The following ASH2L variants were observed in gnomAD, a reference collection of about 807,000 sequenced individuals.
The protein encoded by ASH2L is set1/Ash2 histone methyltransferase complex subunit ASH2.
A neutral mutation model predicts 81.1 loss-of-function variants in ASH2L; 30 were observed. The observed-to-expected ratio is 0.37, with a 90% CI of 0.28 to 0.50. The LOEUF (loss-of-function observed/expected upper bound fraction) is 0.50. Ranked by LOEUF, ASH2L falls within the 20% of genes least tolerant of loss-of-function variation. The pLI, the probability that ASH2L is intolerant of heterozygous loss-of-function variation, is 0.95. For missense variants in ASH2L, 559 were observed against 792.1 expected (o/e 0.71, Z 3.53); for synonymous variants, 273 against 279.9 (o/e 0.98, Z 0.24).
chr8:38,124,196 A>G (rs1050937661), intron 10 of ASH2L: 2 of 151,660 alleles, frequency 1.3e-5, no homozygotes, highest in African/African-American at 4.8e-5. Context: ...TCTTTGCTCC[A>G]TGCAATTATT....
chr8:38,126,612 T>C (rs1801854260), intron 10 of ASH2L, among the ~76,000 whole-genome samples: 1 of 152,068 alleles, frequency 6.6e-6, no homozygotes, highest in South Asian at 2.1e-4. Context: ...CCCAGCACTT[T>C]GGGAGGCCGA....
chr8:38,116,738 A>C lies in ASH2L; in HGVS notation c.853+13A>C. On this transcript the variant is annotated intron_variant, in intron 8 of 15. Coordinates refer to ENST00000343823, the MANE Select transcript of ASH2L (RefSeq NM_004674.5). ...GGGAATTTAAATGGTAAGTGTTTAC[A>C]TATCTCATTGCTGAAATATTTGGAA... 1.2e-6 allele frequency: 2 copies of C among 1,600,994 alleles called. No homozygotes were observed. Among genetic ancestry groups the C allele is most frequent in the Non-Finnish European group, 1.7e-6 (2 of 1,172,004 alleles).
rs1450089253 is a variant in ASH2L at position 38,110,213 on chromosome 8, A to C, written c.402-166A>C. 2.6e-5 allele frequency among the ~76,000 whole-genome samples: 4 copies of C among 152,276 alleles called. 1 individual carries two copies. The highest frequency in any genetic ancestry group is 2.6e-4 in the Admixed American group (4 of 15,286). On this transcript the variant is annotated intron_variant, in intron 3 of 15. Transcript: ENST00000343823. ...TAGTCCCAGCTACTTGGGGGGCTGA[A>C]GTGGGAGAATCAACCTGAGCCAGGG...
At chr8:38,110,670 T>A in intron 4 of ASH2L, 69 bp from the exon 5 acceptor site, 1 of 1,339,998 alleles carries the variant, frequency 7.5e-7, no homozygotes, top group Non-Finnish European at 1.1e-6. Context: ...GGACCACTTA[T>A]CGAGTATTCC....
At chr8:38,106,038 A>G in intron 1 of ASH2L, 1 of 1,527,382 alleles carries the variant, frequency 6.5e-7, no homozygotes, top group Non-Finnish European at 8.8e-7. Flanking sequence ...CAGAAAAGAA[A>G]CCACTTTGCA....
chr8:38,119,808 CAA>C (rs1811061886), intron 9 of ASH2L, among the ~76,000 whole-genome samples: 1 of 150,730 alleles, frequency 6.6e-6, no homozygotes, highest in Admixed American at 6.6e-5. Flanking sequence ...GTCTCAAAAA[CAA>C]AACAAAAAAC....
At chr8:38,116,616 T>G in intron 7 of ASH2L, 34 bp from the exon 8 acceptor site, 1 of 1,551,116 alleles carries the variant, frequency 6.4e-7, no homozygotes, top group South Asian at 1.1e-5. Context: ...CTGACTTACG[T>G]AGACTCCTTT....
At chr8:38,121,977 G>A (rs1362162461) in intron 10 of ASH2L, among the ~76,000 whole-genome samples, 2 of 152,094 alleles carry the variant, frequency 1.3e-5, no homozygotes, top group Non-Finnish European at 2.9e-5. Context: ...TTAAACTTAT[G>A]TTCACTAATT....
At chr8:38,109,221 C>T (rs575948759) in intron 3 of ASH2L, among the ~76,000 whole-genome samples, 80 of 152,310 alleles carry the variant, frequency 5.3e-4, no homozygotes, top group African/African-American at 1.6e-3. Flanking sequence ...TATTTACCTA[C>T]CTATCTTTAG....
chr8:38,107,910 G>GTATA (rs966299055), intron 3 of ASH2L, among the ~76,000 whole-genome samples: 11 of 140,774 alleles, frequency 7.8e-5, no homozygotes, highest in Admixed American at 6.5e-4. Context: ...GTGTGTATAT[G>GTATA]TATATATATA....
chr8:38,108,282 C>G (rs914480452), intron 3 of ASH2L, among the ~76,000 whole-genome samples: 1 of 152,138 alleles, frequency 6.6e-6, no homozygotes, highest in Non-Finnish European at 1.5e-5. Flanking sequence ...GGAAAACACA[C>G]TAGCTAAGCA....
intron 1 of ASH2L, chr8:38,106,113 C>A (rs1484966369): frequency 1.3e-6 from 2 of 1,526,470 alleles, no homozygotes; most frequent in Admixed American, 2.0e-5. Flanking sequence ...TCTCTTTGAA[C>A]CTCTCCCAGG....
intron 1 of ASH2L, 23 bp downstream of exon 1, chr8:38,105,761 G>A: frequency 1.3e-6 from 2 of 1,502,790 alleles, no homozygotes; most frequent in Non-Finnish European, 1.8e-6. Flanking sequence ...GCCGCCCGAG[G>A]AAGACGCGGG....
intron 15 of ASH2L, 38 bp downstream of exon 15, chr8:38,138,913 A>ATC (rs753163250): frequency 3.1e-6 from 5 of 1,613,356 alleles, no homozygotes; most frequent in Non-Finnish European, 4.2e-6. Context: ...TGTCCTCAGC[A>ATC]TCTCCGTGGC....
intron 8 of ASH2L, chr8:38,118,945 T>C: frequency 4.2e-6 from 1 of 240,680 alleles, no homozygotes; most frequent in Non-Finnish European, 8.1e-6. Flanking sequence ...GTTTGGGATC[T>C]GAATGAGTGA....
At chr8:38,114,032 A>G (rs1015134478) in intron 5 of ASH2L, among the ~76,000 whole-genome samples, 160 bp from the exon 6 acceptor site, 2 of 152,256 alleles carry the variant, frequency 1.3e-5, no homozygotes, top group African/African-American at 2.4e-5. Context: ...TTCAGAGATT[A>G]AAAGACAAAC....
At position 38,121,741 on chromosome 8, in the gene ASH2L, G is replaced by A. The variant is rs551107432; in HGVS notation, c.1165+592G>A. On this transcript the variant is annotated intron_variant, in intron 10 of 15. Transcript: ENST00000343823. ...GATGTTTTCTCATGATTAGACTGAA[G>A]TTAGGCAGTTTGGGGAAGAATAACA... 4.3e-4 allele frequency among the ~76,000 whole-genome samples: 66 copies of A among 152,246 alleles called. 1 individual carries two copies. The highest frequency in any genetic ancestry group is 1.5e-3 in the African/African-American group (62 of 41,540).
intron 3 of ASH2L, among the ~76,000 whole-genome samples, chr8:38,108,158 G>C (rs1416855732): frequency 6.6e-6 from 1 of 152,084 alleles, no homozygotes; most frequent in Non-Finnish European, 1.5e-5. Flanking sequence ...TTTTAGAAAT[G>C]CTGATGTCTT....
chr8:38,133,787 A>T (rs1802151884), intron 13 of ASH2L, among the ~76,000 whole-genome samples: 1 of 152,174 alleles, frequency 6.6e-6, no homozygotes, highest in African/African-American at 2.4e-5. Flanking sequence ...AAAAGTGTAT[A>T]AAAATAGTGG....
Sources: allele counts gnomAD v4.1 joint callset (sites outside exome capture counted in the v4.1 genomes callset), GRCh38; gene constraint gnomAD v4.1.1; transcripts MANE v1.5; gene names NCBI Gene and HGNC (gene_info 2026-07-23, HGNC 2026-07-21).